CADPS2: variants seen among roughly 807,000 people sequenced by gnomAD.
CADPS2 encodes calcium dependent secretion activator 2, also known as calcium-dependent secretion activator 2.
A neutral mutation model predicts 172.5 loss-of-function variants in CADPS2; 93 were observed. The observed-to-expected ratio is 0.54, with a 90% CI of 0.46 to 0.64. The LOEUF is 0.64. Ranked by LOEUF, CADPS2 falls within the 30% of genes least tolerant of loss-of-function variation. CADPS2 has a pLI of 0.00. For missense variants in CADPS2, 1,420 were observed against 1,565.9 expected (o/e 0.91, Z 1.57); for synonymous variants, 546 against 555.2 (o/e 0.98, Z 0.23).
chr7:122,876,823 A>C (rs1821338355), intron 1 of CADPS2, among the ~76,000 whole-genome samples: 2 of 152,168 alleles, frequency 1.3e-5, no homozygotes, highest in South Asian at 4.1e-4. Flanking sequence ...ATTTTGAATA[A>C]GAAGAAAAAG....
intron 8 of CADPS2, among the ~76,000 whole-genome samples, chr7:122,549,035 T>C (rs2063921338): frequency 6.6e-6 from 1 of 152,218 alleles, no homozygotes; most frequent in Non-Finnish European, 1.5e-5. Context: ...TTTGTACATT[T>C]CTATTTTTCT....
intron 25 of CADPS2, among the ~76,000 whole-genome samples, chr7:122,364,284 G>A (rs531579269): frequency 2.6e-5 from 4 of 151,862 alleles, no homozygotes; most frequent in East Asian, 3.9e-4. Context: ...GCATGGTGGC[G>A]TGTGCCTGTA....
chr7:122,352,986 C>G (rs531090591), intron 27 of CADPS2, among the ~76,000 whole-genome samples: 3 of 152,234 alleles, frequency 2.0e-5, no homozygotes, highest in African/African-American at 7.2e-5. Context: ...CAGGTAGAAA[C>G]AATAACAATT....
At position 122,393,313 on chromosome 7, in the gene CADPS2, T is replaced by C; in HGVS notation, c.2891A>G (p.Asn964Ser). Residue 964 changes from asparagine (N) to serine (S), a missense_variant and splice_region_variant, in exon 22 of 30, where the codon AAT becomes AGT. Coordinates refer to ENST00000449022, the MANE Select transcript of CADPS2 (RefSeq NM_017954.11). ...FEQETWQPVKNIANSLPNVAL... is the reference protein window; with the variant it reads ...FEQETWQPVKSIANSLPNVAL... Reference sequence around the variant, plus strand: ...TACATTGGGAAGACTGTTGGCGATATTCCTGTAAAGAAACAAACAACGTGG... The same window carrying C: ...TACATTGGGAAGACTGTTGGCGATACTCCTGTAAAGAAACAAACAACGTGG... The C allele has an allele frequency of 2.5e-6, 4 of 1,613,838 alleles. No homozygotes were observed. The highest frequency in any genetic ancestry group is 3.4e-6 in the Non-Finnish European group (4 of 1,179,798).
intron 9 of CADPS2, among the ~76,000 whole-genome samples, chr7:122,504,776 A>T (rs978894632): frequency 6.6e-6 from 1 of 151,878 alleles, no homozygotes; most frequent in African/African-American, 2.4e-5. Context: ...CGTTGTTCAG[A>T]CTGGTCTCAA....
intron 3 of CADPS2, among the ~76,000 whole-genome samples, chr7:122,654,909 AAT>A (rs907077901): frequency 1.3e-5 from 2 of 152,244 alleles, no homozygotes; most frequent in African/African-American, 4.8e-5. Flanking sequence ...AGGAAGTTAA[AAT>A]GTCAACATGA....
chr7:122,325,404 C>A, intron 29 of CADPS2, 73 bp downstream of exon 29: 5 of 941,496 alleles, frequency 5.3e-6, no homozygotes, highest in Non-Finnish European at 6.7e-6. Flanking sequence ...ATACAGTTTT[C>A]TTGTATGTCA....
rs145101205 is a variant in CADPS2, at chr7:122,645,385, A to ATG, written c.787-16059_787-16058dup. 4.3e-4 allele frequency among the ~76,000 whole-genome samples: 16 copies of ATG among 36,864 alleles called. 2 individuals carry two copies. Among genetic ancestry groups the ATG allele is most frequent in the Non-Finnish European group, 3.0e-4 (5 of 16,886 alleles). 24.2% of individuals were successfully genotyped at this position (36,864 alleles called of 152,430 possible). A position where few individuals can be genotyped will look rare whatever the true frequency, so the allele number is the denominator to read the frequency against. ...TGTACATGTATACACACATATGTAC[A>ATG]TGTGTGTGTATATATGTACATATAC... On this transcript the variant is annotated intron_variant, in intron 3 of 29. Transcript: ENST00000449022.
intron 24 of CADPS2, among the ~76,000 whole-genome samples, chr7:122,383,174 C>T (rs1307334235): frequency 6.6e-6 from 1 of 152,014 alleles, no homozygotes; most frequent in Non-Finnish European, 1.5e-5. Context: ...AAATCATATC[C>T]TTTGCAGCCA....
intron 8 of CADPS2, 78 bp from the exon 9 acceptor site, chr7:122,513,393 G>A (rs909858010): frequency 8.3e-7 from 1 of 1,200,420 alleles, no homozygotes; most frequent in Non-Finnish European, 1.2e-6. Flanking sequence ...TTCTTCCATA[G>A]GTATTTATTT....
chr7:122,803,055 T>C (rs1797989661), intron 1 of CADPS2, among the ~76,000 whole-genome samples: 1 of 152,198 alleles, frequency 6.6e-6, no homozygotes, highest in African/African-American at 2.4e-5. Context: ...CAATATAGGT[T>C]TGTTATTGTA....
chr7:122,345,918 C>CTTTTTTTTTTTTTTTTTTTTTTTTT (rs71159791), intron 27 of CADPS2, among the ~76,000 whole-genome samples: 1 of 138,754 alleles, frequency 7.2e-6, no homozygotes, highest in African/African-American at 2.7e-5. Flanking sequence ...CCGTAGATAT[C>CTTTTTTTTTTTTTTTTTTTTTTTTT]TTTTTTTTTT....
intron 5 of CADPS2, among the ~76,000 whole-genome samples, chr7:122,617,705 C>CTGCT (rs1242978315): frequency 6.6e-6 from 1 of 152,094 alleles, no homozygotes; most frequent in Non-Finnish European, 1.5e-5. Flanking sequence ...TAGAGAAAGT[C>CTGCT]ATGGGATCTG....
At chr7:122,412,414 C>T (rs1053439943) in intron 19 of CADPS2, among the ~76,000 whole-genome samples, 2 of 152,114 alleles carry the variant, frequency 1.3e-5, no homozygotes, top group Admixed American at 1.3e-4. Flanking sequence ...AAATCAAATA[C>T]CCTTTCTCTT....
intron 2 of CADPS2, among the ~76,000 whole-genome samples, chr7:122,688,053 C>T (rs2083860462): frequency 6.6e-6 from 1 of 152,200 alleles, no homozygotes; most frequent in Non-Finnish European, 1.5e-5. Flanking sequence ...TTGTCATTTT[C>T]CATCTCACTG....
chr7:122,780,030 T>A (rs1464389447), intron 1 of CADPS2, among the ~76,000 whole-genome samples: 1 of 152,206 alleles, frequency 6.6e-6, no homozygotes, highest in Non-Finnish European at 1.5e-5. Context: ...TGCCATTTTC[T>A]AATTTTTATG....
chr7:122,817,110 G>C (rs956078926), intron 1 of CADPS2, among the ~76,000 whole-genome samples: 1 of 152,124 alleles, frequency 6.6e-6, no homozygotes, highest in East Asian at 1.9e-4. Flanking sequence ...CTGCACCCAG[G>C]TGAAATAAGC....
At chr7:122,402,731 G>A (rs2151607237) in intron 20 of CADPS2, among the ~76,000 whole-genome samples, 1 of 152,212 alleles carries the variant, frequency 6.6e-6, no homozygotes, top group East Asian at 1.9e-4. Flanking sequence ...ATCACAAACT[G>A]TTTAAAAATC....
At chr7:122,358,624 G>A (rs1192077318) in intron 27 of CADPS2, among the ~76,000 whole-genome samples, 1 of 152,010 alleles carries the variant, frequency 6.6e-6, no homozygotes, top group Non-Finnish European at 1.5e-5. Context: ...GTTAATTTTT[G>A]TGAAAGGTGA....
Sources: allele counts gnomAD v4.1 joint callset (sites outside exome capture counted in the v4.1 genomes callset), GRCh38; gene constraint gnomAD v4.1.1; transcripts MANE v1.5; gene names NCBI Gene and HGNC (gene_info 2026-07-23, HGNC 2026-07-21).